The following VWA5B2 variants were observed in gnomAD, a reference collection of about 807,000 sequenced individuals.
VWA5B2 encodes von Willebrand factor A domain-containing protein 5B2.
Under a neutral mutation model 118.5 loss-of-function variants are expected in VWA5B2, and 93 were observed. The ratio of observed to expected loss-of-function variants is 0.79; its 90% CI spans 0.66 to 0.93. VWA5B2 has a LOEUF of 0.93. Ranked by LOEUF, VWA5B2 falls within the 40% of genes least tolerant of loss-of-function variation. The pLI is 0.00. For synonymous variants in VWA5B2, 708 were observed against 716.3 expected (o/e 0.99, Z 0.19); for missense variants, 1,546 against 1,672.8 (o/e 0.92, Z 1.32).
intron 1 of VWA5B2, 89 bp from the exon 2 acceptor site, chr3:184,230,291 G>T (rs899320098): frequency 2.2e-6 from 1 of 446,734 alleles, no homozygotes. Flanking sequence ...AACCCTCCGC[G>T]GCCCGGCTGC....
At chr3:184,232,019 G>C (rs1717444738) in intron 3 of VWA5B2, among the ~76,000 whole-genome samples, 1 of 152,228 alleles carries the variant, frequency 6.6e-6, no homozygotes, top group Non-Finnish European at 1.5e-5. Context: ...GTAGGTTACA[G>C]TGGGTAATGA....
chr3:184,237,112 C>T lies in VWA5B2; in HGVS notation c.1534-114C>T. On this transcript the variant is annotated intron_variant, in intron 11 of 19. Coordinates refer to ENST00000691901, the MANE Select transcript of VWA5B2 (RefSeq NM_001390846.1). The surrounding 1 kb of genome is among the most constrained non-coding windows in gnomAD (Gnocchi z 5.6). The stretch of plus-strand genomic sequence containing the variant: ...CCTGACCCCAGCCTGGCCCTGTGCC[C>T]CATCAGCTTAGGGGCTGGGCAGATG... 8.3e-7 allele frequency: 1 copy of T among 1,202,936 alleles called. No individual in the cohort carries two copies. Among genetic ancestry groups the T allele is most frequent in the Non-Finnish European group, 1.2e-6 (1 of 865,044 alleles). 74.5% of individuals were successfully genotyped at this position (1,202,936 alleles called of 1,614,324 possible). A position where few individuals can be genotyped will look rare whatever the true frequency, so the allele number is the denominator to read the frequency against.
In VWA5B2 at chr3:184,233,054, C is replaced by A; in HGVS notation, c.311-124C>A. 1 of 792,114 alleles carries A rather than the reference C, an allele frequency of 1.3e-6. No homozygotes were observed. The allele number at this position is 792,114 out of a possible 1,614,324, so 49.1% of individuals were successfully genotyped here. A position where few individuals can be genotyped will look rare whatever the true frequency, so the allele number is the denominator to read the frequency against. Reference sequence around the variant, plus strand: ...CCATCCTGCGTCACCAATGCATTAGCCTAGTGCCAACACGCAAAGTCCCCC... The same window carrying A: ...CCATCCTGCGTCACCAATGCATTAGACTAGTGCCAACACGCAAAGTCCCCC... On this transcript the variant is annotated intron_variant, in intron 3 of 19. Coordinates refer to ENST00000691901, the MANE Select transcript of VWA5B2 (RefSeq NM_001390846.1). This position sits in a 1 kb window ranked among gnomAD's most constrained non-coding sequence, Gnocchi z 5.2.
chr3:184,241,723 C>A lies in VWA5B2; in HGVS notation c.3414C>A (p.Gly1138=), dbSNP rs1357809622. ...CCAGCTCGGGCTCTGAGGGGCCAGG[C>A]CAGGTGGACAGTGGGCGGGGCTCAG... ...PSPSSGSEGP[G]QVDSGRGSDT... The change falls in exon 20 of 20, where the codon GGC becomes GGA. Residue 1138 remains glycine (G), a synonymous_variant. Coordinates refer to ENST00000691901, the MANE Select transcript of VWA5B2 (RefSeq NM_001390846.1). The surrounding 1 kb of genome is among the most constrained non-coding windows in gnomAD (Gnocchi z 5.1). 4.7e-6 allele frequency: 7 copies of A among 1,498,864 alleles called. No individual in the cohort carries two copies. Among genetic ancestry groups the A allele is most frequent in the South Asian group, 1.3e-5 (1 of 78,112 alleles). 92.8% of individuals were successfully genotyped at this position (1,498,864 alleles called of 1,614,324 possible).
chr3:184,239,463 T>A lies in VWA5B2; in HGVS notation c.2272T>A (p.Ser758Thr), dbSNP rs1041492832. 1.9e-6 allele frequency: 3 copies of A among 1,549,902 alleles called. No individual in the cohort carries two copies. Among genetic ancestry groups the A allele is most frequent in the Non-Finnish European group, 8.7e-7 (1 of 1,146,510 alleles). The stretch of plus-strand genomic sequence containing the variant: ...GGCTCTGGCTGGCCGAAGCCTCTCA[T>A]CCCCTCCAGGCCGGGCAAACCAAGT... ...RAALAGRSLS[S>T]PPGRANQVPG... The change falls in exon 15 of 20, where the codon TCC becomes ACC. Residue 758 changes from serine (S) to threonine (T), a missense_variant. Around this residue, in one of 3 missense-constraint regions of VWA5B2, gnomAD observed 763 missense variants for 766.6 expected, o/e 1.00. Transcript: ENST00000691901. This position sits in a 1 kb window ranked among gnomAD's most constrained non-coding sequence, Gnocchi z 5.1.
Position 184,234,384 on chromosome 3 carries a change from G to A in VWA5B2, c.807G>A (p.Leu269=), listed in dbSNP as rs1717736896. The A allele has an allele frequency of 6.4e-7, 1 of 1,551,680 alleles. No individual in the cohort carries two copies. The highest frequency in any genetic ancestry group is 1.4e-5 in the African/African-American group (1 of 73,064). ...GHHCDRALEI[L]LHPSEPHQPH... is the part of the protein sequence containing the mutation. ...ACTGTGACCGGGCCTTGGAGATCCT[G>A]CTGCACCCCAGTGGTGAGAGACTGG... The change falls in exon 6 of 20, where the codon CTG becomes CTA. Residue 269 remains leucine (L), a synonymous_variant. Transcript: ENST00000691901.
At position 184,239,939 on chromosome 3, in the gene VWA5B2, T is replaced by C. The variant is rs781292930; in HGVS notation, c.2643T>C (p.Ala881=). Residue 881 remains alanine, a synonymous_variant, in exon 16 of 20, where the codon GCT becomes GCC. Coordinates refer to ENST00000691901, the MANE Select transcript of VWA5B2 (RefSeq NM_001390846.1). The surrounding 1 kb of genome is among the most constrained non-coding windows in gnomAD (Gnocchi z 5.1). ...QPPSPPVREA[A]WDQALHRLTA... ...CCTCACCTCCTGTAAGAGAAGCTGC[T>C]TGGGACCAAGCACTCCATCGGCTGA... The C allele has an allele frequency of 1.9e-6, 3 of 1,551,294 alleles. No homozygotes were observed. The highest frequency in any genetic ancestry group is 8.7e-7 in the Non-Finnish European group (1 of 1,146,978).
At chr3:184,229,799 GC>G (rs1051221396) in intron 1 of VWA5B2, among the ~76,000 whole-genome samples, 86 bp downstream of exon 1, 2 of 152,146 alleles carry the variant, frequency 1.3e-5, no homozygotes, top group Non-Finnish European at 1.5e-5. Flanking sequence ...CACTGCAGGT[GC>G]CCCCTCCTCC....
chr3:184,232,799 G>C (rs1318885908), intron 3 of VWA5B2: 1 of 222,582 alleles, frequency 4.5e-6, no homozygotes, highest in Non-Finnish European at 8.8e-6. Context: ...TGGGGTCCCA[G>C]GCCACAGGGA....
In VWA5B2 at chr3:184,234,729, C is replaced by G; in HGVS notation, c.919C>G (p.Arg307Gly). 6.4e-7 allele frequency: 1 copy of G among 1,551,426 alleles called. No individual in the cohort carries two copies. The change falls in exon 7 of 20, where the codon CGA becomes GGA. Residue 307 changes from arginine (R) to glycine (G), a missense_variant. Physicochemically the swap from Arg to Gly is moderately radical, Grantham distance 125. Around this residue, in one of 3 missense-constraint regions of VWA5B2, gnomAD observed 775 missense variants for 882.3 expected, o/e 0.88. Transcript: ENST00000691901. ...CCGCCGAGATTTTCAGAGGCTACAG[C>G]GAAGGGACAGTGATGGGGACCGGCA... ...RARRDFQRLQ[R>G]RDSDGDRQVW...
chr3:184,230,483 G>T lies in VWA5B2; in HGVS notation c.-46G>T. 3.6e-6 allele frequency: 5 copies of T among 1,402,604 alleles called. No individual in the cohort carries two copies. The South Asian group carries it at 6.1e-5, about 17-fold the overall frequency. The allele number at this position is 1,402,604 out of a possible 1,614,324, so 86.9% of individuals were successfully genotyped here. A position where few individuals can be genotyped will look rare whatever the true frequency, so the allele number is the denominator to read the frequency against. ...CGGGGTGGGCGTCCCGTCACCCTGCGCCCAGCTTCCCCGGCCCGTTCCCGC... is the reference window on the plus strand; with the variant it reads ...CGGGGTGGGCGTCCCGTCACCCTGCTCCCAGCTTCCCCGGCCCGTTCCCGC... On this transcript the variant is annotated 5_prime_UTR_variant, in exon 2 of 20. Coordinates refer to ENST00000691901, the MANE Select transcript of VWA5B2 (RefSeq NM_001390846.1).
chr3:184,233,700 G>A lies in VWA5B2; in HGVS notation c.655G>A (p.Glu219Lys), dbSNP rs866076856. Reference protein sequence around the residue: ...RCPAPYTFSFEMLVTGPCLLA... With the variant: ...RCPAPYTFSFKMLVTGPCLLA... ...CCCTGCCCCATATACCTTCTCCTTC[G>A]AGATGCTGGTGACTGGGCCATGCCT... The change falls in exon 5 of 20, where the codon GAG becomes AAG. Residue 219 changes from glutamate to lysine, a missense_variant. By Grantham distance (56) the Glu-to-Lys change is moderately conservative (BLOSUM62 1). This residue lies in a region of VWA5B2 where 775 missense variants were observed against 882.3 expected (regional missense o/e 0.88). Transcript: ENST00000691901. This position sits in a 1 kb window ranked among gnomAD's most constrained non-coding sequence, Gnocchi z 5.2. 9.7e-6 allele frequency: 15 copies of A among 1,550,936 alleles called. No homozygotes were observed. The highest frequency in any genetic ancestry group is 4.9e-5 in the East Asian group (2 of 40,924).
Position 184,239,257 on chromosome 3 carries a change from G to T in VWA5B2, c.2203-137G>T, listed in dbSNP as rs1443214391. On this transcript the variant is annotated intron_variant, in intron 14 of 19. Coordinates refer to ENST00000691901, the MANE Select transcript of VWA5B2 (RefSeq NM_001390846.1). This position sits in a 1 kb window ranked among gnomAD's most constrained non-coding sequence, Gnocchi z 5.1. ...GCCAGAGGTCACTGTAGGCCATAAG[G>T]AACTTGGCCTTCCTCCTCAAGCTGG... 6 of 933,722 alleles carry T rather than the reference G, an allele frequency of 6.4e-6. No individual in the cohort carries two copies. The highest frequency in any genetic ancestry group is 9.1e-6 in the Non-Finnish European group (6 of 658,330). The allele number at this position is 933,722 out of a possible 1,614,324, so 57.8% of individuals were successfully genotyped here. A position where few individuals can be genotyped will look rare whatever the true frequency, so the allele number is the denominator to read the frequency against.
At position 184,233,104 on chromosome 3, in the gene VWA5B2, C is replaced by CTAG. The variant is rs1354959572; in HGVS notation, c.311-74_311-73insTAG. The CTAG allele has an allele frequency of 1.4e-6, 2 of 1,401,856 alleles. No homozygotes were observed. Among genetic ancestry groups the CTAG allele is most frequent in the African/African-American group, 2.9e-5 (2 of 69,828 alleles). The allele number at this position is 1,401,856 out of a possible 1,614,324, so 86.8% of individuals were successfully genotyped here. A position where few individuals can be genotyped will look rare whatever the true frequency, so the allele number is the denominator to read the frequency against. ...CTTGCCCAGGCTCCCTGACCCAATG[C>CTAG]CTGCTTCCACATCTAGCTTCCTCCC... On this transcript the variant is annotated intron_variant, in intron 3 of 19. Transcript: ENST00000691901. The surrounding 1 kb of genome is among the most constrained non-coding windows in gnomAD (Gnocchi z 5.2).
In VWA5B2 at chr3:184,239,367, C is replaced by T; in HGVS notation, c.2203-27C>T. On this transcript the variant is annotated intron_variant, in intron 14 of 19. Transcript: ENST00000691901. The surrounding 1 kb of genome is among the most constrained non-coding windows in gnomAD (Gnocchi z 5.1). The stretch of plus-strand genomic sequence containing the variant: ...TGGTCAAGGGTTCTGCATTCCTTGA[C>T]CAGTGGCCCCCATATCTCACATGCA... 8 of 1,508,898 alleles carry T rather than the reference C, an allele frequency of 5.3e-6. No homozygotes were observed. Among genetic ancestry groups the T allele is most frequent in the Non-Finnish European group, 7.1e-6 (8 of 1,121,342 alleles). The allele number at this position is 1,508,898 out of a possible 1,614,324, so 93.5% of individuals were successfully genotyped here. A position where few individuals can be genotyped will look rare whatever the true frequency, so the allele number is the denominator to read the frequency against.
intron 5 of VWA5B2, 144 bp from the exon 6 acceptor site, chr3:184,234,122 C>T: frequency 9.3e-7 from 1 of 1,079,470 alleles, no homozygotes. Context: ...CCCATGAAAG[C>T]AGGCACATCC....
In VWA5B2 at chr3:184,233,620, T is replaced by G. The variant is rs776643359; in HGVS notation, c.575T>G (p.Leu192Arg). ...FGVGSLQEEG[L>R]AWEELAAPRD... ...GTGGGCAGCCTTCAGGAGGAAGGGC[T>G]GGCCTGGGAGGAGCTGGCTGCCCCT... The change falls in exon 5 of 20, where the codon CTG (leucine) becomes CGG (arginine). Residue 192 changes from leucine to arginine, a missense_variant. Leu to Arg is a moderately radical substitution (Grantham distance 102, BLOSUM62 -2). This residue lies in a region of VWA5B2 where 775 missense variants were observed against 882.3 expected (regional missense o/e 0.88). Coordinates refer to ENST00000691901, the MANE Select transcript of VWA5B2 (RefSeq NM_001390846.1). This position sits in a 1 kb window ranked among gnomAD's most constrained non-coding sequence, Gnocchi z 5.2. The G allele has an allele frequency of 5.7e-5, 89 of 1,551,102 alleles. 1 individual carries two copies. In the South Asian group the frequency reaches 9.5e-4, roughly 17 times the overall value.
intron 3 of VWA5B2, among the ~76,000 whole-genome samples, chr3:184,231,152 T>A (rs1308627868): frequency 6.6e-6 from 1 of 152,214 alleles, no homozygotes; most frequent in Non-Finnish European, 1.5e-5. Context: ...AGCACAGGGC[T>A]TGCGGGGGCG....
chr3:184,239,713 T>A lies in VWA5B2; in HGVS notation c.2417T>A (p.Met806Lys). Reference sequence around the variant, plus strand: ...GGAAACCTGCTCTCCCCAGCCCCTATGGACTGGGACATGCTGATGGAACCA... The same window carrying A: ...GGAAACCTGCTCTCCCCAGCCCCTAAGGACTGGGACATGCTGATGGAACCA... ...DSGNLLSPAP[M>K]DWDMLMEPPF... Residue 806 changes from methionine (M) to lysine (K), a missense_variant, in exon 16 of 20, where the codon ATG becomes AAG. Met to Lys is a moderately conservative substitution (Grantham distance 95). Transcript: ENST00000691901. The surrounding 1 kb of genome is among the most constrained non-coding windows in gnomAD (Gnocchi z 5.1). 6.7e-7 allele frequency: 1 copy of A among 1,485,242 alleles called. No homozygotes were observed. Among genetic ancestry groups the A allele is most frequent in the Non-Finnish European group, 9.0e-7 (1 of 1,110,814 alleles). The allele number at this position is 1,485,242 out of a possible 1,614,324, so 92.0% of individuals were successfully genotyped here. A position where few individuals can be genotyped will look rare whatever the true frequency, so the allele number is the denominator to read the frequency against.
Sources: allele counts gnomAD v4.1 joint callset (sites outside exome capture counted in the v4.1 genomes callset), GRCh38; gene constraint gnomAD v4.1.1; regional missense constraint gnomAD v4.1.1; non-coding constraint Gnocchi (gnomAD v3.1); transcripts MANE v1.5; gene names NCBI Gene and HGNC (gene_info 2026-07-23, HGNC 2026-07-21).